The following SYNE2 variants were observed in gnomAD, a reference collection of about 807,000 sequenced individuals.
SYNE2 encodes spectrin repeat containing nuclear envelope protein 2.
Under a neutral mutation model 856.3 loss-of-function variants are expected in SYNE2, and 431 were observed. The observed-to-expected ratio is 0.50, with a 90% CI of 0.47 to 0.55. The LOEUF is 0.55. Ranked by LOEUF, SYNE2 falls within the 20% of genes least tolerant of loss-of-function variation. SYNE2 has a pLI of 0.00. For synonymous variants in SYNE2, 2,923 were observed against 2,872.3 expected (o/e 1.02, Z -0.56); for missense variants, 8,129 against 8,023.2 (o/e 1.01, Z -0.50).
chr14:64,186,948 C>T (rs573699429), intron 97 of SYNE2, among the ~76,000 whole-genome samples: 6 of 152,336 alleles, frequency 3.9e-5, no homozygotes, highest in African/African-American at 1.4e-4. Context: ...TGGGGAGTCT[C>T]TTCTGGGCCT....
At chr14:63,791,943 C>CAAAAA (rs765571108) in intron 1 of SYNE2, among the ~76,000 whole-genome samples, 12 of 119,076 alleles carry the variant, frequency 1.0e-4, no homozygotes, top group African/African-American at 3.8e-4. Flanking sequence ...GACTCCGTCT[C>CAAAAA]AAAAAAAAAA....
intron 2 of SYNE2, among the ~76,000 whole-genome samples, chr14:63,924,768 A>T (rs1316040053): frequency 2.9e-5 from 4 of 140,196 alleles, no homozygotes; most frequent in African/African-American, 5.5e-5. Context: ...ACAGTAGGAT[A>T]TTCTGCATAA....
intron 55 of SYNE2, 128 bp from the exon 56 acceptor site, chr14:64,080,328 G>T: frequency 4.1e-6 from 4 of 970,948 alleles, no homozygotes; most frequent in Non-Finnish European, 6.5e-6. Context: ...ATTAACAACT[G>T]TTCATGTGAT....
chr14:64,159,144 C>G (rs2098309367), intron 86 of SYNE2, among the ~76,000 whole-genome samples, 168 bp from the exon 87 acceptor site: 1 of 151,874 alleles, frequency 6.6e-6, no homozygotes, highest in Non-Finnish European at 1.5e-5. Context: ...AGTTCAGCCT[C>G]AAATAAAGAA....
At chr14:64,134,288 G>A in intron 78 of SYNE2, 88 bp downstream of exon 78, 2 of 1,385,940 alleles carry the variant, frequency 1.4e-6, no homozygotes, top group Non-Finnish European at 2.0e-6. Flanking sequence ...TGATTTGGAA[G>A]GTTTGAATTG....
At chr14:63,920,768 G>A (rs2095590555) in intron 2 of SYNE2, among the ~76,000 whole-genome samples, 1 of 151,878 alleles carries the variant, frequency 6.6e-6, no homozygotes, top group South Asian at 2.1e-4. Flanking sequence ...TTGGTATCAG[G>A]GCTTTTTGAT....
Position 64,113,579 on chromosome 14 carries a change from T to C in SYNE2, c.12840+8T>C, listed in dbSNP as rs145218296. ...CAGCTGGTAGGGTGCCAGGTAAGAC[T>C]GAGAAGTCAGAGTTCATGGTTTGCC... On this transcript the variant is annotated splice_region_variant and intron_variant, in intron 66 of 115. Transcript: ENST00000555002. 0.024 allele frequency: 38,628 copies of C among 1,596,276 alleles called. 591 individuals are homozygous for C. Among genetic ancestry groups the C allele is most frequent in the Non-Finnish European group, 0.027 (31,995 of 1,171,498 alleles).
At chr14:63,984,430 G>A (rs2096609875) in intron 18 of SYNE2, among the ~76,000 whole-genome samples, 1 of 152,170 alleles carries the variant, frequency 6.6e-6, no homozygotes, top group Admixed American at 6.5e-5. Context: ...CTGATTCTGA[G>A]CAGTGTAAAT....
chr14:63,974,590 G>A (rs1020028766), intron 11 of SYNE2, among the ~76,000 whole-genome samples: 5 of 151,330 alleles, frequency 3.3e-5, no homozygotes, highest in Admixed American at 6.6e-5. Flanking sequence ...ATGGAGTCTC[G>A]CTCTGTTGCC....
intron 10 of SYNE2, among the ~76,000 whole-genome samples, chr14:63,965,545 G>A (rs147942457): frequency 2.6e-5 from 4 of 152,254 alleles, no homozygotes; most frequent in African/African-American, 9.6e-5. Context: ...CCTCAGTCCC[G>A]TTTCTTAGAG....
upstream of SYNE2, among the ~76,000 whole-genome samples, chr14:63,851,575 G>A (rs1890457314): frequency 6.6e-6 from 1 of 152,130 alleles, no homozygotes; most frequent in African/African-American, 2.4e-5. Flanking sequence ...CAAATAATTT[G>A]CCTGAATCAT....
At chr14:64,006,812 G>A (rs1038154146) in intron 30 of SYNE2, among the ~76,000 whole-genome samples, 2 of 152,142 alleles carry the variant, frequency 1.3e-5, no homozygotes, top group Non-Finnish European at 2.9e-5. Flanking sequence ...AGGTGACAGA[G>A]TGAGACCCTG....
intron 85 of SYNE2, 69 bp from the exon 86 acceptor site, chr14:64,158,556 G>A: frequency 1.3e-6 from 2 of 1,536,386 alleles, no homozygotes; most frequent in Non-Finnish European, 1.8e-6. Flanking sequence ...TGGACACAAT[G>A]GTAGATCTGT....
chr14:63,958,031 G>A (rs913912433), intron 8 of SYNE2, among the ~76,000 whole-genome samples: 4 of 151,636 alleles, frequency 2.6e-5, no homozygotes, highest in African/African-American at 9.7e-5. Flanking sequence ...AACAGAGTGA[G>A]ACTCCATCTC....
At chr14:63,945,936 C>T (rs1799334135) in intron 6 of SYNE2, among the ~76,000 whole-genome samples, 1 of 152,106 alleles carries the variant, frequency 6.6e-6, no homozygotes, top group Non-Finnish European at 1.5e-5. Context: ...CTGCATGTAC[C>T]TAGGAATGGA....
intron 99 of SYNE2, among the ~76,000 whole-genome samples, chr14:64,198,336 T>C (rs971126026): frequency 5.9e-5 from 9 of 152,208 alleles, no homozygotes; most frequent in African/African-American, 2.2e-4. Context: ...TCAAGAGTAG[T>C]GTTAACAAGG....
chr14:64,077,449 G>T (rs1230404842), intron 54 of SYNE2, among the ~76,000 whole-genome samples: 1 of 151,758 alleles, frequency 6.6e-6, no homozygotes, highest in African/African-American at 2.4e-5. Context: ...TGATATAAAA[G>T]TATCAAGGCC....
intron 84 of SYNE2, among the ~76,000 whole-genome samples, chr14:64,150,791 A>G (rs1425713770): frequency 6.6e-6 from 1 of 152,226 alleles, no homozygotes; most frequent in Non-Finnish European, 1.5e-5. Flanking sequence ...CTATGATAAA[A>G]GAAACATGCT....
intron 20 of SYNE2, 113 bp downstream of exon 20, chr14:63,990,682 AT>A: frequency 1.0e-6 from 1 of 981,940 alleles, no homozygotes. Flanking sequence ...TTTGTAAAAT[AT>A]TACTTTTGCA....
Sources: gnomAD v4.1 joint callset for allele counts (sites outside exome capture counted in the v4.1 genomes callset) on GRCh38, gnomAD v4.1.1 for gene constraint, MANE v1.5 for transcripts, NCBI Gene and HGNC (gene_info 2026-07-23, HGNC 2026-07-21) for gene names.